PPFIBP1: variants seen among roughly 807,000 people sequenced by gnomAD.
PPFIBP1 encodes the protein liprin-beta-1.
PPFIBP1 carries 112 observed loss-of-function variants against 137.8 expected under a neutral mutation model. The ratio of observed to expected loss-of-function variants is 0.81; its 90% CI spans 0.70 to 0.95. The LOEUF (loss-of-function observed/expected upper bound fraction) is 0.95. PPFIBP1 is among the 40% of genes least tolerant of loss of function. The probability of loss-of-function intolerance (pLI) is 0.00; values close to 1 mark genes in which losing one functional copy is unlikely to be tolerated. For missense variants in PPFIBP1, 1,083 were observed against 1,196.6 expected (o/e 0.91, Z 1.40); for synonymous variants, 378 against 417.3 (o/e 0.91, Z 1.15).
In PPFIBP1 at chr12:27,656,642, A is replaced by G; in HGVS notation, c.723A>G (p.Gln241=). The change falls in exon 9 of 30, where the codon CAA becomes CAG. Residue 241 remains glutamine, a synonymous_variant. Transcript: ENST00000228425. ...ATGAACTGGCATCTTTAAAAGAACA[A>G]CTAGAAGAAAAGGAATCTGAAGTAA... ...TKDELASLKE[Q]LEEKESEVKR... 1 of 1,611,606 alleles carries G rather than the reference A, an allele frequency of 6.2e-7. No homozygotes were observed. Among genetic ancestry groups the G allele is most frequent in the Non-Finnish European group, 8.5e-7 (1 of 1,177,982 alleles).
chr12:27,650,757 A>G (rs1183169692), intron 7 of PPFIBP1, among the ~76,000 whole-genome samples: 1 of 152,152 alleles, frequency 6.6e-6, no homozygotes, highest in South Asian at 2.1e-4. Flanking sequence ...TGTTTGTTCT[A>G]TTTTGTTAAT....
chr12:27,660,976 G>A, intron 11 of PPFIBP1, 31 bp downstream of exon 11: 1 of 1,608,200 alleles, frequency 6.2e-7, no homozygotes, highest in Middle Eastern at 1.7e-4. Flanking sequence ...TATACGTGTG[G>A]ATGTTTTTTA....
At chr12:27,668,248 G>A (rs1426147060) in intron 13 of PPFIBP1, among the ~76,000 whole-genome samples, 1 of 152,102 alleles carries the variant, frequency 6.6e-6, no homozygotes, top group Admixed American at 6.5e-5. Context: ...AGCTCCTCAG[G>A]TACAGTTCCT....
At chr12:27,610,903 T>C (rs2055031628) in intron 2 of PPFIBP1, among the ~76,000 whole-genome samples, 1 of 152,018 alleles carries the variant, frequency 6.6e-6, no homozygotes, top group Non-Finnish European at 1.5e-5. Flanking sequence ...TTTTTGTATC[T>C]ATGGAAGTGC....
intron 2 of PPFIBP1, among the ~76,000 whole-genome samples, chr12:27,595,942 G>T (rs1281692734): frequency 6.7e-6 from 1 of 148,968 alleles, no homozygotes; most frequent in Non-Finnish European, 1.5e-5. Flanking sequence ...ATACCATCCC[G>T]GATTGAAGAG....
intron 12 of PPFIBP1, among the ~76,000 whole-genome samples, chr12:27,666,894 T>C (rs2059891417): frequency 6.6e-6 from 1 of 152,252 alleles, no homozygotes; most frequent in East Asian, 1.9e-4. Context: ...CTTTTAATTT[T>C]CTTTCAATCT....
intron 1 of PPFIBP1, among the ~76,000 whole-genome samples, chr12:27,558,296 T>A (rs951028857): frequency 1.1e-4 from 16 of 151,946 alleles, no homozygotes; most frequent in Non-Finnish European, 1.8e-4. Context: ...TGTTTTAAGA[T>A]TATTTGGTGC....
Position 27,595,239 on chromosome 12 carries a change from C to T in PPFIBP1, c.-36+17000C>T, listed in dbSNP as rs532253550. Among the ~76,000 whole-genome samples, 8 of 152,328 alleles carry T rather than the reference C, an allele frequency of 5.3e-5. No homozygotes were observed. In the South Asian group the frequency reaches 1.2e-3, roughly 24 times the overall value. On this transcript the variant is annotated intron_variant, in intron 2 of 29. Coordinates refer to ENST00000228425, the MANE Select transcript of PPFIBP1 (RefSeq NM_003622.4). The stretch of plus-strand genomic sequence containing the variant: ...AGGGCTGGAAGAATGCGTGCACACG[C>T]GCGCGCGCACAAACACACACACGCG...
chr12:27,587,029 A>T (rs999869413), intron 2 of PPFIBP1, among the ~76,000 whole-genome samples: 1 of 152,216 alleles, frequency 6.6e-6, no homozygotes, highest in African/African-American at 2.4e-5. Flanking sequence ...TTTAATCTCA[A>T]CAAAAGCTAG....
chr12:27,592,566 A>G, intron 2 of PPFIBP1: 1 of 1,421,272 alleles, frequency 7.0e-7, no homozygotes. Context: ...TGGCTTTCAC[A>G]GGATGATACC....
intron 4 of PPFIBP1, chr12:27,637,064 A>G (rs951241025): frequency 6.6e-6 from 1 of 151,986 alleles, no homozygotes; most frequent in Non-Finnish European, 1.5e-5. Flanking sequence ...AATTATACCC[A>G]TTTATTCCTT....
At chr12:27,561,624 C>G (rs535332830) in intron 1 of PPFIBP1, among the ~76,000 whole-genome samples, 207 of 152,270 alleles carry the variant, frequency 1.4e-3, no homozygotes, top group African/African-American at 4.4e-3. Flanking sequence ...CATGGTCTCT[C>G]CTCTCCAGCT....
At chr12:27,617,336 T>C (rs1403709425) in intron 2 of PPFIBP1, among the ~76,000 whole-genome samples, 2 of 152,186 alleles carry the variant, frequency 1.3e-5, no homozygotes, top group Non-Finnish European at 2.9e-5. Flanking sequence ...GTATGTCTCT[T>C]GGCAGGTGGG....
intron 2 of PPFIBP1, among the ~76,000 whole-genome samples, chr12:27,628,360 G>A (rs1027693694): frequency 6.6e-6 from 1 of 152,252 alleles, no homozygotes; most frequent in Non-Finnish European, 1.5e-5. Flanking sequence ...ACAATTTTTT[G>A]TAGAGACAGG....
chr12:27,571,066 A>G (rs1012338485), intron 1 of PPFIBP1, among the ~76,000 whole-genome samples: 1 of 152,228 alleles, frequency 6.6e-6, no homozygotes, highest in African/African-American at 2.4e-5. Context: ...GTTGAAAACC[A>G]TATTCTTCCT....
intron 1 of PPFIBP1, among the ~76,000 whole-genome samples, chr12:27,545,190 A>T (rs1201981713): frequency 6.6e-6 from 1 of 151,326 alleles, no homozygotes; most frequent in African/African-American, 2.4e-5. Flanking sequence ...CAATGAGAAC[A>T]TATGGGCACA....
At chr12:27,672,978 C>A (rs1034565149) in intron 15 of PPFIBP1, among the ~76,000 whole-genome samples, 1 of 142,082 alleles carries the variant, frequency 7.0e-6, no homozygotes, top group Non-Finnish European at 1.6e-5. Context: ...TCTTTTCTTT[C>A]TCACTATTAT....
chr12:27,661,421 CGGCATGGGCT>C (rs2059540774), intron 11 of PPFIBP1, among the ~76,000 whole-genome samples: 1 of 152,136 alleles, frequency 6.6e-6, no homozygotes, highest in Non-Finnish European at 1.5e-5. Context: ...CAGAAAACAG[CGGCATGGGCT>C]TTACGTTAGC....
intron 1 of PPFIBP1, among the ~76,000 whole-genome samples, chr12:27,554,505 G>A (rs1444231057): frequency 6.6e-6 from 1 of 152,136 alleles, no homozygotes; most frequent in African/African-American, 2.4e-5. Context: ...CGATGACAAT[G>A]GTAAAGTGAA....
Sources: gnomAD v4.1 joint callset for allele counts (sites outside exome capture counted in the v4.1 genomes callset) on GRCh38, gnomAD v4.1.1 for gene constraint, MANE v1.5 for transcripts, NCBI Gene and HGNC (gene_info 2026-07-23, HGNC 2026-07-21) for gene names.